TG: variants seen among roughly 807,000 people sequenced by gnomAD.
TG encodes the protein thyroglobulin.
A neutral mutation model predicts 324.7 loss-of-function variants in TG; 270 were observed. The observed-to-expected ratio is 0.83, with a 90% CI of 0.75 to 0.92. The LOEUF (loss-of-function observed/expected upper bound fraction) is 0.92, where lower values mean the gene tolerates loss of function less well. Among genes scored for constraint, TG ranks in the 40% least tolerant of loss-of-function variants. The probability of loss-of-function intolerance (pLI) is 0.00; values close to 1 mark genes in which losing one functional copy is unlikely to be tolerated. For missense variants in TG, 3,591 were observed against 3,456.4 expected, an observed-to-expected ratio of 1.04 and a Z score of -0.98; for synonymous variants, 1,401 against 1,327.0, an observed-to-expected ratio of 1.06 and a Z score of -1.21.
At chr8:132,999,552 G>A (rs944372625) in intron 35 of TG, among the ~76,000 whole-genome samples, 25 of 152,260 alleles carry the variant, frequency 1.6e-4, no homozygotes, top group African/African-American at 5.8e-4. Context: ...CATAACGACT[G>A]GGTTCATGCT....
intron 45 of TG, among the ~76,000 whole-genome samples, chr8:133,121,371 A>G (rs540392205): frequency 2.0e-5 from 3 of 152,094 alleles, no homozygotes; most frequent in Middle Eastern, 3.2e-3. Flanking sequence ...CTTTCTCCCT[A>G]TGTCACAGAC....
chr8:133,096,447 G>A, intron 43 of TG, 74 bp downstream of exon 43: 5 of 1,571,878 alleles, frequency 3.2e-6, no homozygotes, highest in Non-Finnish European at 4.4e-6. Flanking sequence ...TGTCTGACTT[G>A]ATCAAGAGAT....
chr8:133,016,523 G>A (rs1209098104), intron 37 of TG, among the ~76,000 whole-genome samples: 1 of 152,204 alleles, frequency 6.6e-6, no homozygotes, highest in Admixed American at 6.5e-5. Context: ...AGGTCTATCT[G>A]CCTCCTCTCC....
intron 45 of TG, among the ~76,000 whole-genome samples, chr8:133,130,155 C>T (rs1459143036): frequency 6.6e-6 from 1 of 152,182 alleles, no homozygotes; most frequent in Non-Finnish European, 1.5e-5. Context: ...GACAGCTTGT[C>T]CAAGATTGCA....
chr8:133,054,189 GAGCTC>G (rs1840933141), intron 41 of TG, among the ~76,000 whole-genome samples: 1 of 152,152 alleles, frequency 6.6e-6, no homozygotes, highest in Admixed American at 6.5e-5. Context: ...GCTTTATGGA[GAGCTC>G]AGCGTTTGAA....
intron 41 of TG, among the ~76,000 whole-genome samples, chr8:133,062,342 T>C (rs1381580238): frequency 6.6e-6 from 1 of 152,234 alleles, no homozygotes; most frequent in East Asian, 1.9e-4. Flanking sequence ...TACATTGGCC[T>C]TGTCTCCATT....
At chr8:132,941,643 GT>G (rs1824462276) in intron 26 of TG, 101 bp downstream of exon 26, 2 of 1,373,610 alleles carry the variant, frequency 1.5e-6, no homozygotes, top group Admixed American at 3.6e-5. Context: ...GGAGTACAGT[GT>G]GAGTGCCTAC....
chr8:133,098,085 A>G (rs1848702390), intron 43 of TG, among the ~76,000 whole-genome samples: 1 of 152,162 alleles, frequency 6.6e-6, no homozygotes, highest in African/African-American at 2.4e-5. Flanking sequence ...CCAAGCACTC[A>G]CATACAGCAT....
At chr8:132,941,569 C>T in intron 26 of TG, 27 bp downstream of exon 26, 2 of 1,613,892 alleles carry the variant, frequency 1.2e-6, no homozygotes, top group Non-Finnish European at 1.7e-6. Flanking sequence ...GGGCCAGGGC[C>T]TAACAAGGGA....
chr8:132,974,112 G>A (rs1829895735), intron 34 of TG, among the ~76,000 whole-genome samples: 1 of 149,548 alleles, frequency 6.7e-6, no homozygotes, highest in Non-Finnish European at 1.5e-5. Flanking sequence ...TCCTGCCTCA[G>A]CCTCCCAAGT....
chr8:132,986,879 C>T (rs927091162), intron 35 of TG, among the ~76,000 whole-genome samples: 5 of 152,152 alleles, frequency 3.3e-5, no homozygotes, highest in East Asian at 1.9e-4. Flanking sequence ...GATATACTTG[C>T]GATCCTTAAG....
chr8:133,108,261 C>T (rs753770219), intron 43 of TG, among the ~76,000 whole-genome samples: 3 of 151,998 alleles, frequency 2.0e-5, no homozygotes, highest in Non-Finnish European at 2.9e-5. Context: ...GCTAGGATTA[C>T]AGGTGTGAGC....
intron 27 of TG, among the ~76,000 whole-genome samples, chr8:132,952,241 G>A (rs532014638): frequency 4.3e-4 from 66 of 152,330 alleles, no homozygotes; most frequent in African/African-American, 1.5e-3. Flanking sequence ...GTGTGGAGCA[G>A]CAGAGTGGTG....
At chr8:132,955,198 A>AC (rs1357403743) in intron 27 of TG, among the ~76,000 whole-genome samples, 2 of 152,062 alleles carry the variant, frequency 1.3e-5, no homozygotes, top group Admixed American at 6.5e-5. Context: ...CTTTCCCCCC[A>AC]CAAGTCACTA....
At chr8:133,121,718 A>C (rs773578106) in intron 45 of TG, among the ~76,000 whole-genome samples, 4 of 152,180 alleles carry the variant, frequency 2.6e-5, no homozygotes, top group Admixed American at 6.5e-5. Flanking sequence ...CCCATCTCAA[A>C]GGTTGTGACG....
At chr8:132,918,666 A>T (rs1820718896) in intron 20 of TG, among the ~76,000 whole-genome samples, 1 of 152,192 alleles carries the variant, frequency 6.6e-6, no homozygotes, top group Non-Finnish European at 1.5e-5. Flanking sequence ...TTGGAGATGA[A>T]TGAATGGAGC....
intron 41 of TG, among the ~76,000 whole-genome samples, chr8:133,086,985 A>G (rs1394246601): frequency 6.6e-6 from 1 of 152,144 alleles, no homozygotes; most frequent in Non-Finnish European, 1.5e-5. Flanking sequence ...ATAAGTAATG[A>G]TACAGAATGA....
chr8:133,106,312 T>C (rs1448427218), intron 43 of TG: 14 of 745,858 alleles, frequency 1.9e-5, no homozygotes, highest in Non-Finnish European at 2.1e-5. Context: ...GAAGCAGCGC[T>C]GAGGGGCCAG....
chr8:132,886,767 G>A lies in TG; in HGVS notation c.1395G>A (p.Lys465=). Residue 465 remains lysine, a synonymous_variant, in exon 9 of 48, where the codon AAG becomes AAA. Coordinates refer to ENST00000220616, the MANE Select transcript of TG (RefSeq NM_003235.5). ...RLALQFTTNP[K]RLQQNLFGGK... is the part of the protein sequence containing the mutation. Reference sequence around the variant, plus strand: ...CCCTTCAGTTTACCACCAACCCAAAGAGACTCCAGCAAAACCTTTTTGGAG... The same window carrying A: ...CCCTTCAGTTTACCACCAACCCAAAAAGACTCCAGCAAAACCTTTTTGGAG... 1.2e-6 allele frequency: 2 copies of A among 1,614,052 alleles called. No homozygotes were observed. Among genetic ancestry groups the A allele is most frequent in the East Asian group, 2.2e-5 (1 of 44,886 alleles).
Sources: gnomAD v4.1 joint callset for allele counts (sites outside exome capture counted in the v4.1 genomes callset) on GRCh38, gnomAD v4.1.1 for gene constraint, MANE v1.5 for transcripts, NCBI Gene and HGNC (gene_info 2026-07-23, HGNC 2026-07-21) for gene names.